SRGAP1: variants seen among roughly 807,000 people sequenced by gnomAD.
SRGAP1 encodes the protein SLIT-ROBO Rho GTPase activating protein 1, also known as SLIT-ROBO Rho GTPase-activating protein 1.
Under a neutral mutation model 121.9 loss-of-function variants are expected in SRGAP1, and 43 were observed. That is an observed-to-expected ratio of 0.35 (90% CI 0.28 to 0.46). The LOEUF is 0.46. Ranked by LOEUF, SRGAP1 falls within the 20% of genes least tolerant of loss-of-function variation. The probability of loss-of-function intolerance (pLI) is 1.00; values close to 1 mark genes in which losing one functional copy is unlikely to be tolerated. For synonymous variants in SRGAP1, 447 were observed against 485.4 expected (o/e 0.92, Z 1.04); for missense variants, 1,102 against 1,350.9 (o/e 0.82, Z 2.89).
At position 64,150,879 on chromosome 12, in the gene SRGAP1, A is replaced by G. The variant is rs2669626; in HGVS notation, c.*8207A>G. On this transcript the variant is annotated 3_prime_UTR_variant, in exon 22 of 22. Transcript: ENST00000355086. ...GAGCCCAGATGTTTGAGGCTGCAATAAGCTATGATTGCACCACTGCACTCC... is the reference window on the plus strand; with the variant it reads ...GAGCCCAGATGTTTGAGGCTGCAATGAGCTATGATTGCACCACTGCACTCC... The G allele has an allele frequency of 0.55, 79,850 of 145,334 alleles. 22,340 individuals carry two copies. The highest frequency in any genetic ancestry group is 0.67 in the Middle Eastern group (190 of 284). 9.0% of individuals were successfully genotyped at this position (145,334 alleles called of 1,614,324 possible).
intron 1 of SRGAP1, among the ~76,000 whole-genome samples, chr12:63,883,849 G>A (rs181549130): frequency 3.8e-4 from 57 of 151,004 alleles, no homozygotes; most frequent in African/African-American, 1.4e-3. Context: ...TAGTAGAGAC[G>A]GGGTTTCACC....
At chr12:63,867,581 A>G (rs1034508341) in intron 1 of SRGAP1, among the ~76,000 whole-genome samples, 1 of 152,158 alleles carries the variant, frequency 6.6e-6, no homozygotes, top group Non-Finnish European at 1.5e-5. Context: ...GATATGATGA[A>G]TCAATCTTAT....
intron 9 of SRGAP1, 40 bp from the exon 10 acceptor site, chr12:64,080,246 A>G: frequency 1.3e-6 from 2 of 1,501,286 alleles, no homozygotes. Flanking sequence ...TCTGTCTCAA[A>G]AAAAAAAAAA....
chr12:63,879,475 TA>T (rs1422353604), intron 1 of SRGAP1: 7 of 152,016 alleles, frequency 4.6e-5, no homozygotes, highest in African/African-American at 1.7e-4. Flanking sequence ...GAATTAATAT[TA>T]AAAAAGAAAA....
At chr12:63,849,812 A>G (rs1397714124) in intron 1 of SRGAP1, among the ~76,000 whole-genome samples, 1 of 152,218 alleles carries the variant, frequency 6.6e-6, no homozygotes, top group African/African-American at 2.4e-5. Context: ...GAGTTGCACA[A>G]TTAAGACGTA....
rs140148669 is a variant in SRGAP1 at position 63,984,988 on chromosome 12, G to C, written c.263+846G>C. On this transcript the variant is annotated intron_variant, in intron 2 of 21. Transcript: ENST00000355086. Reference sequence around the variant, plus strand: ...CTGAGATTGCAACACTGCACTCCAGGCTGGGCAATAGAGTGAGAGTCCATC... The same window carrying C: ...CTGAGATTGCAACACTGCACTCCAGCCTGGGCAATAGAGTGAGAGTCCATC... Among the ~76,000 whole-genome samples the C allele has an allele frequency of 5.2e-3, 774 of 149,746 alleles. 5 individuals carry two copies. The highest frequency in any genetic ancestry group is 0.018 in the African/African-American group (710 of 40,500).
chr12:63,952,225 C>T (rs541183804), intron 1 of SRGAP1, among the ~76,000 whole-genome samples: 3 of 152,142 alleles, frequency 2.0e-5, no homozygotes, highest in Non-Finnish European at 1.5e-5. Flanking sequence ...ATAAGACCCC[C>T]ACCAGGGCTG....
intron 3 of SRGAP1, among the ~76,000 whole-genome samples, chr12:64,015,359 C>G (rs1486111812): frequency 6.6e-6 from 1 of 152,094 alleles, no homozygotes; most frequent in African/African-American, 2.4e-5. Flanking sequence ...TCATGACTTT[C>G]CTTTCACTCT....
intron 1 of SRGAP1, among the ~76,000 whole-genome samples, chr12:63,960,342 C>T (rs2032599995): frequency 6.6e-6 from 1 of 152,044 alleles, no homozygotes; most frequent in Non-Finnish European, 1.5e-5. Flanking sequence ...GTTTGTCCGT[C>T]CTTCTCCTTG....
rs146518123 is a variant in SRGAP1 at position 63,957,897 on chromosome 12, C to G, written c.68-26050C>G. On this transcript the variant is annotated intron_variant, in intron 1 of 21. Transcript: ENST00000355086. The stretch of plus-strand genomic sequence containing the variant: ...TCCAGAAATGGTTTTTTGCTCAGAC[C>G]TGCATCTCTATTCTGCATGCCTCTG... Among the ~76,000 whole-genome samples the G allele has an allele frequency of 6.0e-4, 91 of 152,150 alleles. 1 individual carries two copies. Among genetic ancestry groups the G allele is most frequent in the African/African-American group, 2.0e-3 (81 of 41,528 alleles).
chr12:64,021,863 G>A (rs1411234287), intron 4 of SRGAP1, among the ~76,000 whole-genome samples: 1 of 152,200 alleles, frequency 6.6e-6, no homozygotes, highest in Non-Finnish European at 1.5e-5. Flanking sequence ...AAAAGTGAAA[G>A]GGTGAACCAG....
chr12:63,914,149 TCTA>T (rs1351769504), intron 1 of SRGAP1, among the ~76,000 whole-genome samples: 2 of 152,178 alleles, frequency 1.3e-5, no homozygotes, highest in African/African-American at 4.8e-5. Context: ...AAGACTGAAT[TCTA>T]CTGTGTTTTA....
chr12:63,917,111 T>C (rs766099651), intron 1 of SRGAP1, among the ~76,000 whole-genome samples: 3 of 152,180 alleles, frequency 2.0e-5, no homozygotes, highest in Non-Finnish European at 4.4e-5. Context: ...ATCTACCCCA[T>C]GGGATATAAC....
intron 18 of SRGAP1, chr12:64,120,351 C>T (rs910849195): frequency 6.6e-5 from 10 of 152,156 alleles, no homozygotes; most frequent in African/African-American, 2.4e-4. Flanking sequence ...GCCTGGGTTA[C>T]AACCAGCCTA....
At chr12:63,961,208 A>G (rs1163392711) in intron 1 of SRGAP1, among the ~76,000 whole-genome samples, 1 of 152,244 alleles carries the variant, frequency 6.6e-6, no homozygotes. Flanking sequence ...CCATAGCCAC[A>G]CGCAGCCAGA....
In SRGAP1 at chr12:64,136,252, A is replaced by T. The variant is rs114489651; in HGVS notation, c.2881-6043A>T. Among the ~76,000 whole-genome samples, 512 of 152,282 alleles carry T rather than the reference A, an allele frequency of 3.4e-3. 5 individuals carry two copies. Among genetic ancestry groups the T allele is most frequent in the African/African-American group, 0.012 (490 of 41,558 alleles). ...AGTGGTGGTGCATGTCTGCAATCCC[A>T]GGTACTTTGGAAGCTGAGGCGAGAG... On this transcript the variant is annotated intron_variant, in intron 21 of 21. Coordinates refer to ENST00000355086, the MANE Select transcript of SRGAP1 (RefSeq NM_020762.4).
chr12:63,956,794 T>C lies in SRGAP1; in HGVS notation c.68-27153T>C, dbSNP rs534396770. 6.6e-5 allele frequency among the ~76,000 whole-genome samples: 10 copies of C among 150,720 alleles called. No homozygotes were observed. The South Asian group carries it at 2.1e-3, about 32-fold the overall frequency. ...CACTTTACTATTTCCAGTGTATAAT[T>C]CCATGGTTTTTAGTATATTCAGAGC... On this transcript the variant is annotated intron_variant, in intron 1 of 21. Coordinates refer to ENST00000355086, the MANE Select transcript of SRGAP1 (RefSeq NM_020762.4).
At chr12:63,985,940 T>A (rs1470803935) in intron 2 of SRGAP1, among the ~76,000 whole-genome samples, 1 of 152,174 alleles carries the variant, frequency 6.6e-6, no homozygotes, top group Non-Finnish European at 1.5e-5. Flanking sequence ...TCCGTTCATT[T>A]CACACCTCTC....
intron 1 of SRGAP1, among the ~76,000 whole-genome samples, chr12:63,920,681 G>A (rs549283557): frequency 2.6e-5 from 4 of 152,334 alleles, no homozygotes; most frequent in South Asian, 2.1e-4. Flanking sequence ...GCTTCTGTCA[G>A]TGTTGGTGAA....
Sources: allele counts gnomAD v4.1 joint callset (sites outside exome capture counted in the v4.1 genomes callset), GRCh38; gene constraint gnomAD v4.1.1; transcripts MANE v1.5; gene names NCBI Gene and HGNC (gene_info 2026-07-23, HGNC 2026-07-21).